Variants in NCALD observed in about 807,000 individuals in gnomAD.
The protein encoded by NCALD is neurocalcin-delta.
A neutral mutation model predicts 18.6 loss-of-function variants in NCALD; 10 were observed. The ratio of observed to expected loss-of-function variants is 0.54; its 90% CI spans 0.33 to 0.91. The LOEUF (loss-of-function observed/expected upper bound fraction) is 0.91, where lower values mean the gene tolerates loss of function less well. Ranked by LOEUF, NCALD falls within the 40% of genes least tolerant of loss-of-function variation. The probability of loss-of-function intolerance (pLI) is 0.03; values close to 1 mark genes in which losing one functional copy is unlikely to be tolerated. For synonymous variants in NCALD, 88 were observed against 87.4 expected, an observed-to-expected ratio of 1.01 and a Z score of -0.04; for missense variants, 184 against 247.6, an observed-to-expected ratio of 0.74 and a Z score of 1.72.
intron 4 of NCALD, among the ~76,000 whole-genome samples, chr8:101,827,198 G>A (rs1207277182): frequency 6.6e-6 from 1 of 152,162 alleles, no homozygotes; most frequent in Non-Finnish European, 1.5e-5. Flanking sequence ...TACAGTCTCT[G>A]CCTGGGTGTC....
chr8:101,874,161 T>C (rs1293252617), intron 4 of NCALD, among the ~76,000 whole-genome samples: 1 of 152,148 alleles, frequency 6.6e-6, no homozygotes, highest in African/African-American at 2.4e-5. Flanking sequence ...ATCAGAGAGG[T>C]AACTTGGGGT....
intron 2 of NCALD, among the ~76,000 whole-genome samples, chr8:101,977,021 A>T (rs1195020653): frequency 4.6e-5 from 7 of 152,162 alleles, no homozygotes; most frequent in Non-Finnish European, 4.4e-5. Flanking sequence ...GAGATACTTC[A>T]TCTCACCATG....
chr8:101,819,010 T>A lies in NCALD; in HGVS notation c.-20+68131A>T, dbSNP rs543031356. 9.9e-5 allele frequency among the ~76,000 whole-genome samples: 15 copies of A among 152,074 alleles called. No homozygotes were observed. The East Asian group carries it at 1.2e-3, about 12-fold the overall frequency. On this transcript the variant is annotated intron_variant, in intron 4 of 6. Transcript: ENST00000311028. The stretch of plus-strand genomic sequence containing the variant: ...CAGAGTGAGACTCCATCTCAAAAAA[T>A]AAATAAATAAATAAAAATAAGCATC...
intron 2 of NCALD, among the ~76,000 whole-genome samples, chr8:101,963,937 C>T (rs1473520682): frequency 1.3e-5 from 2 of 152,144 alleles, no homozygotes; most frequent in Admixed American, 6.6e-5. Flanking sequence ...AAATCCATGA[C>T]AGGAAATGAC....
At chr8:101,906,938 A>C (rs1817629924) in intron 3 of NCALD, among the ~76,000 whole-genome samples, 1 of 152,240 alleles carries the variant, frequency 6.6e-6, no homozygotes, top group Non-Finnish European at 1.5e-5. Context: ...GAATGAATGA[A>C]GACATTCATG....
In NCALD at chr8:101,693,636, G is replaced by A. The variant is rs183314836; in HGVS notation, c.379-740C>T. The A allele has an allele frequency of 1.3e-5, 2 of 152,240 alleles. 1 individual carries two copies. The highest frequency in any genetic ancestry group is 1.3e-4 in the Admixed American group (2 of 15,278). The allele number at this position is 152,240 out of a possible 1,614,324, so 9.4% of individuals were successfully genotyped here. A position where few individuals can be genotyped will look rare whatever the true frequency, so the allele number is the denominator to read the frequency against. ...TGAAGACGCTGCTTTGAAAAGCAAGGTTCCCACTTTGAGGAGCAAGGCTGC... is the reference window on the plus strand; with the variant it reads ...TGAAGACGCTGCTTTGAAAAGCAAGATTCCCACTTTGAGGAGCAAGGCTGC... On this transcript the variant is annotated intron_variant, in intron 2 of 3. Transcript: ENST00000220931.
chr8:101,889,212 T>C (rs547784221), intron 3 of NCALD, among the ~76,000 whole-genome samples: 1 of 152,362 alleles, frequency 6.6e-6, no homozygotes, highest in African/African-American at 2.4e-5. Context: ...AAAAGCCACA[T>C]GCTGTGAACG....
At chr8:101,857,673 G>A (rs1286055392) in intron 4 of NCALD, among the ~76,000 whole-genome samples, 2 of 152,174 alleles carry the variant, frequency 1.3e-5, no homozygotes, top group Admixed American at 1.3e-4. Context: ...GTCAATGGAA[G>A]TAAAAGAAGG....
chr8:101,789,315 G>T, intron 1 of NCALD, among the ~76,000 whole-genome samples: 1 of 152,222 alleles, frequency 6.6e-6, no homozygotes, highest in Non-Finnish European at 1.5e-5. Context: ...GATCAATTAA[G>T]TGATGAGATT....
intron 1 of NCALD, among the ~76,000 whole-genome samples, chr8:101,742,238 AAAAG>A (rs1274940762): frequency 6.6e-6 from 1 of 152,128 alleles, no homozygotes; most frequent in South Asian, 2.1e-4. Flanking sequence ...AAGAAAAAAA[AAAAG>A]AAAGAAAGAA....
chr8:101,804,533 A>T (rs1205220162), intron 4 of NCALD, among the ~76,000 whole-genome samples: 1 of 122,602 alleles, frequency 8.2e-6, no homozygotes, highest in Non-Finnish European at 1.6e-5. Context: ...AGATTATATA[A>T]TATATAATTA....
intron 1 of NCALD, among the ~76,000 whole-genome samples, chr8:102,110,139 G>A (rs1201623137): frequency 6.6e-6 from 1 of 152,104 alleles, no homozygotes; most frequent in East Asian, 1.9e-4. Flanking sequence ...AAGAGGAAAC[G>A]AGCCATCAGA....
chr8:102,123,078 A>G (rs369598304), intron 1 of NCALD, among the ~76,000 whole-genome samples: 7 of 152,368 alleles, frequency 4.6e-5, no homozygotes, highest in Non-Finnish European at 7.3e-5. Flanking sequence ...GGATCTCCCA[A>G]TTGGAGTGAA....
chr8:101,782,737 C>G (rs555978325), intron 1 of NCALD, among the ~76,000 whole-genome samples: 16 of 152,320 alleles, frequency 1.1e-4, no homozygotes, highest in African/African-American at 3.4e-4. Context: ...CAACTCAAAG[C>G]TCACTTCCTC....
At chr8:102,106,320 A>G (rs1171575494) in intron 1 of NCALD, among the ~76,000 whole-genome samples, 1 of 151,922 alleles carries the variant, frequency 6.6e-6, no homozygotes, top group African/African-American at 2.4e-5. Context: ...GTGATCCTCC[A>G]GCCTCAGCCT....
intron 2 of NCALD, among the ~76,000 whole-genome samples, chr8:102,012,524 AC>A (rs1821940854): frequency 6.6e-6 from 1 of 152,188 alleles, no homozygotes. Context: ...CTACACACCA[AC>A]AGCGCCTGCC....
chr8:102,001,886 T>C (rs1821487172), intron 2 of NCALD, among the ~76,000 whole-genome samples: 2 of 152,168 alleles, frequency 1.3e-5, no homozygotes, highest in South Asian at 4.1e-4. Flanking sequence ...GCACTAAACC[T>C]GGAAAGGAAC....
intron 4 of NCALD, among the ~76,000 whole-genome samples, chr8:101,860,075 C>A (rs1208161762): frequency 6.6e-6 from 1 of 152,116 alleles, no homozygotes; most frequent in Non-Finnish European, 1.5e-5. Flanking sequence ...CTTAAGAAGA[C>A]CATGGAACAT....
chr8:102,091,460 A>G (rs1228674668), intron 1 of NCALD, among the ~76,000 whole-genome samples: 1 of 152,254 alleles, frequency 6.6e-6, no homozygotes, highest in East Asian at 1.9e-4. Flanking sequence ...CTCAGAATAA[A>G]CAAGAGGGAT....
Sources: allele counts gnomAD v4.1 joint callset (sites outside exome capture counted in the v4.1 genomes callset), GRCh38; gene constraint gnomAD v4.1.1; transcripts MANE v1.5; gene names NCBI Gene and HGNC (gene_info 2026-07-23, HGNC 2026-07-21).